Variants in RGS12 observed in about 807,000 individuals in gnomAD.
The protein encoded by RGS12 is regulator of G protein signaling 12, also known as regulator of G-protein signaling 12.
A neutral mutation model predicts 120.1 loss-of-function variants in RGS12; 66 were observed. The ratio of observed to expected loss-of-function variants is 0.55; its 90% confidence interval spans 0.45 to 0.67. The LOEUF (loss-of-function observed/expected upper bound fraction) is 0.67, where lower values mean the gene tolerates loss of function less well. RGS12 is among the 30% of genes least tolerant of loss of function. The probability of loss-of-function intolerance (pLI) is 0.00; values close to 1 mark genes in which losing one functional copy is unlikely to be tolerated. For synonymous variants in RGS12, 827 were observed against 804.7 expected, an observed-to-expected ratio of 1.03 and a Z score of -0.47; for missense variants, 1,859 against 1,957.7, an observed-to-expected ratio of 0.95 and a Z score of 0.95.
At position 3,423,577 on chromosome 4, in the gene RGS12, C is replaced by T. The variant is rs368849204; in HGVS notation, c.3170C>T (p.Thr1057Met). The change falls in exon 13 of 18, where the codon ACG becomes ATG. Residue 1057 changes from threonine (T) to methionine (M), a missense_variant. This residue lies in a region of RGS12 where 375 missense variants were observed against 475.0 expected (regional missense o/e 0.79). Transcript: ENST00000336727. ...GLKAKPTKPV[T>M]EVLRPVVARY... Reference sequence around the variant, plus strand: ...AAGGCCAAGCCCACCAAGCCCGTCACGGAGGTGCTGCGGCCCGTGGTGGCC... The same window carrying T: ...AAGGCCAAGCCCACCAAGCCCGTCATGGAGGTGCTGCGGCCCGTGGTGGCC... 275 of 1,612,742 alleles carry T rather than the reference C, an allele frequency of 1.7e-4. No individual in the cohort carries two copies. Among genetic ancestry groups the T allele is most frequent in the Non-Finnish European group, 2.2e-4 (262 of 1,179,972 alleles).
rs941649842 is a variant in RGS12, at chr4:3,430,652, C to T, written c.3811C>T (p.Pro1271Ser). The T allele has an allele frequency of 1.0e-5, 16 of 1,597,332 alleles. No homozygotes were observed. Among genetic ancestry groups the T allele is most frequent in the Non-Finnish European group, 1.4e-5 (16 of 1,171,160 alleles). Residue 1271 changes from proline (P) to serine (S), a missense_variant, in exon 17 of 18, where the codon CCG becomes TCG. Pro to Ser is a moderately conservative substitution (Grantham distance 74, BLOSUM62 -1). Around this residue, in one of 3 missense-constraint regions of RGS12, gnomAD observed 517 missense variants for 488.5 expected, o/e 1.06. Coordinates refer to ENST00000336727, the MANE Select transcript of RGS12 (RefSeq NM_001394154.1). ...WEPVQESSDSPSTSPGSASSP... is the reference protein window; with the variant it reads ...WEPVQESSDSSSTSPGSASSP... ...GCCAGTCCAGGAGAGCAGCGACAGC[C>T]CGTCCACCAGCCCGGGCTCAGCCTC...
intron 1 of RGS12, among the ~76,000 whole-genome samples, chr4:3,308,271 A>G (rs1724078904): frequency 6.6e-6 from 1 of 152,250 alleles, no homozygotes; most frequent in African/African-American, 2.4e-5. Context: ...AGAAAGAAAC[A>G]CATGTGACGA....
chr4:3,286,045 G>C, the RGS12 span, among the ~76,000 whole-genome samples: 1 of 152,272 alleles, frequency 6.6e-6, no homozygotes, highest in East Asian at 1.9e-4. Context: ...ACGGAGCCCA[G>C]GGAACGTGGA....
upstream of RGS12, among the ~76,000 whole-genome samples, chr4:3,291,278 C>T (rs1321947623): frequency 1.3e-5 from 2 of 151,818 alleles, no homozygotes; most frequent in Non-Finnish European, 2.9e-5. Context: ...CCACCATCTG[C>T]GCATAGGCAG....
chr4:3,333,638 T>A (rs1712119333), intron 2 of RGS12, among the ~76,000 whole-genome samples: 1 of 152,238 alleles, frequency 6.6e-6, no homozygotes, highest in Non-Finnish European at 1.5e-5. Flanking sequence ...CTGTCATGGA[T>A]CATGTGTTCA....
intron 4 of RGS12, among the ~76,000 whole-genome samples, chr4:3,407,930 C>CT (rs1452789015): frequency 6.6e-6 from 1 of 152,212 alleles, no homozygotes; most frequent in African/African-American, 2.4e-5. Flanking sequence ...ACTTTAAACT[C>CT]TTTTTCACCA....
In RGS12 at chr4:3,390,159, G is replaced by T. The variant is rs1032143010; in HGVS notation, c.2020+3722G>T. ...CCCAACCATCCTGCGTCCCACCCTGGTCTCCAATGGTGCCTCAGGCACATG... is the reference window on the plus strand; with the variant it reads ...CCCAACCATCCTGCGTCCCACCCTGTTCTCCAATGGTGCCTCAGGCACATG... On this transcript the variant is annotated intron_variant, in intron 4 of 17. Transcript: ENST00000336727. This position sits in a 1 kb window ranked among gnomAD's most constrained non-coding sequence, Gnocchi z 4.6. Among the ~76,000 whole-genome samples, 32 of 152,116 alleles carry T rather than the reference G, an allele frequency of 2.1e-4. No individual in the cohort carries two copies. The highest frequency in any genetic ancestry group is 7.7e-4 in the African/African-American group (32 of 41,414).
chr4:3,354,653 C>G (rs1053040498), intron 3 of RGS12, among the ~76,000 whole-genome samples: 5 of 152,194 alleles, frequency 3.3e-5, no homozygotes, highest in African/African-American at 1.2e-4. Context: ...ATCCAGAGTT[C>G]ACAGACGCAA....
intron 2 of RGS12, among the ~76,000 whole-genome samples, chr4:3,334,420 G>C (rs1479460289): frequency 1.2e-4 from 18 of 152,048 alleles, no homozygotes; most frequent in Admixed American, 1.2e-3. Context: ...TGATGTATTT[G>C]GTTTGCTACT....
chr4:3,432,625 G>A (rs150254534), intron 17 of RGS12, among the ~76,000 whole-genome samples: 2 of 152,222 alleles, frequency 1.3e-5, no homozygotes, highest in African/African-American at 2.4e-5. Flanking sequence ...CCAGCTGAGC[G>A]CCCCGGCTGA....
At chr4:3,409,841 C>T (rs1041593866) in intron 4 of RGS12, among the ~76,000 whole-genome samples, 3 of 152,226 alleles carry the variant, frequency 2.0e-5, no homozygotes, top group Admixed American at 6.5e-5. Flanking sequence ...CGTCCTGGTT[C>T]TTCCCAGGGC....
At chr4:3,364,028 C>A (rs1716025525) in intron 3 of RGS12, among the ~76,000 whole-genome samples, 1 of 152,224 alleles carries the variant, frequency 6.6e-6, no homozygotes, top group African/African-American at 2.4e-5. Flanking sequence ...GTTTCAAACG[C>A]TTCCCTCTCC....
intron 17 of RGS12, chr4:3,432,201 A>C: frequency 2.9e-5 from 28 of 975,056 alleles, no homozygotes; most frequent in African/African-American, 3.5e-5. Context: ...TTTCTTTCTC[A>C]TTTGAAACTT....
intron 1 of RGS12, among the ~76,000 whole-genome samples, chr4:3,302,834 G>A (rs1723760088): frequency 6.6e-6 from 1 of 152,132 alleles, no homozygotes; most frequent in Non-Finnish European, 1.5e-5. Context: ...CGTGGGGGGA[G>A]GAGAGAGGGC....
At chr4:3,397,644 G>T (rs1406654701) in intron 4 of RGS12, among the ~76,000 whole-genome samples, 1 of 152,208 alleles carries the variant, frequency 6.6e-6, no homozygotes, top group Non-Finnish European at 1.5e-5. Flanking sequence ...TGATAACCAA[G>T]AATTCTGCTT....
chr4:3,362,651 C>T (rs1445269735), intron 3 of RGS12, among the ~76,000 whole-genome samples: 1 of 100,554 alleles, frequency 9.9e-6, no homozygotes, highest in Non-Finnish European at 1.9e-5. Flanking sequence ...GAGGGTGTGT[C>T]AGTGTGGGAC....
intron 16 of RGS12, among the ~76,000 whole-genome samples, chr4:3,429,615 C>A (rs3804348): frequency 0.029 from 4,398 of 152,316 alleles, 114 homozygotes; most frequent in South Asian, 0.098. Flanking sequence ...CGCCATCTAC[C>A]TCGAATGGTG....
In RGS12 at chr4:3,422,985, G is replaced by A; in HGVS notation, c.3107+7G>A. On this transcript the variant is annotated splice_region_variant and intron_variant, in intron 12 of 17. Transcript: ENST00000336727. ...AAAAGCGCACCTTGTTTCGGTAAGA[G>A]GAAGATCGCTGTCATTCACCTGAGG... 6.2e-7 allele frequency: 1 copy of A among 1,611,868 alleles called. No individual in the cohort carries two copies. The highest frequency in any genetic ancestry group is 2.2e-5 in the East Asian group (1 of 44,872).
intron 1 of RGS12, among the ~76,000 whole-genome samples, chr4:3,301,399 C>T (rs1326663514): frequency 6.6e-6 from 1 of 152,232 alleles, no homozygotes; most frequent in African/African-American, 2.4e-5. Context: ...TGGTGGAACC[C>T]TCTGTGTCTT....
Sources: allele counts gnomAD v4.1 joint callset (sites outside exome capture counted in the v4.1 genomes callset), GRCh38; gene constraint gnomAD v4.1.1; regional missense constraint gnomAD v4.1.1; non-coding constraint Gnocchi (gnomAD v3.1); transcripts MANE v1.5; gene names NCBI Gene and HGNC (gene_info 2026-07-23, HGNC 2026-07-21).